The following ANXA13 variants were observed in gnomAD, a reference collection of about 807,000 sequenced individuals.
The protein encoded by ANXA13 is annexin A13.
Under a neutral mutation model 46.6 loss-of-function variants are expected in ANXA13, and 36 were observed. That is an observed-to-expected ratio of 0.77 (90% CI 0.59 to 1.02). The LOEUF (loss-of-function observed/expected upper bound fraction) is 1.02, where lower values mean the gene tolerates loss of function less well. ANXA13 is among the 50% of genes least tolerant of loss of function. ANXA13 has a pLI of 0.00. For synonymous variants in ANXA13, 163 were observed against 152.9 expected (o/e 1.07, Z -0.49); for missense variants, 417 against 396.5 (o/e 1.05, Z -0.44).
chr8:123,721,590 G>C (rs556475344), intron 1 of ANXA13, among the ~76,000 whole-genome samples: 10 of 152,238 alleles, frequency 6.6e-5, no homozygotes, highest in African/African-American at 2.4e-4. Flanking sequence ...GCTTTGTGTA[G>C]TGCCTTTAAA....
At chr8:123,708,534 G>A (rs1399483612) in intron 2 of ANXA13, among the ~76,000 whole-genome samples, 1 of 152,162 alleles carries the variant, frequency 6.6e-6, no homozygotes, top group Non-Finnish European at 1.5e-5. Context: ...CTGCTGGGCC[G>A]CGCAGTCCCT....
chr8:123,692,751 C>T (rs1261050931), intron 8 of ANXA13, among the ~76,000 whole-genome samples: 5 of 152,170 alleles, frequency 3.3e-5, no homozygotes, highest in East Asian at 1.9e-4. Flanking sequence ...ATGATGTTCA[C>T]GGTTCCTGTT....
chr8:123,729,577 C>T (rs1171091542), intron 1 of ANXA13, among the ~76,000 whole-genome samples: 1 of 152,154 alleles, frequency 6.6e-6, no homozygotes, highest in East Asian at 1.9e-4. Flanking sequence ...TTCCTTCTTG[C>T]TTGTGACTAT....
chr8:123,710,255 T>C (rs1813630414), intron 2 of ANXA13, among the ~76,000 whole-genome samples: 1 of 152,154 alleles, frequency 6.6e-6, no homozygotes, highest in South Asian at 2.1e-4. Context: ...TTATGCCAAG[T>C]AAAAGAAGCC....
intron 2 of ANXA13, among the ~76,000 whole-genome samples, chr8:123,705,612 G>A (rs1304666278): frequency 6.6e-6 from 1 of 152,214 alleles, no homozygotes; most frequent in African/African-American, 2.4e-5. Context: ...TCTAGGGAGT[G>A]GCCACTACAT....
chr8:123,717,812 G>A (rs1813785161), intron 1 of ANXA13, among the ~76,000 whole-genome samples: 1 of 152,254 alleles, frequency 6.6e-6, no homozygotes, highest in South Asian at 2.1e-4. Context: ...CAGGTTTGGA[G>A]TGCAGATGCA....
chr8:123,724,867 A>T lies in ANXA13; in HGVS notation c.16-12114T>A, dbSNP rs560667480. The stretch of plus-strand genomic sequence containing the variant: ...TACTTATTTTTGTAAATAAAGTTTT[A>T]TTGGAACACAGCCAACCCATTCATT... On this transcript the variant is annotated intron_variant, in intron 1 of 10. Transcript: ENST00000419625. Among the ~76,000 whole-genome samples, 7 of 152,334 alleles carry T rather than the reference A, an allele frequency of 4.6e-5. No individual in the cohort carries two copies. The East Asian group carries it at 1.4e-3, about 29-fold the overall frequency.
intron 6 of ANXA13, 77 bp downstream of exon 6, chr8:123,695,425 C>A: frequency 9.2e-7 from 1 of 1,084,850 alleles, no homozygotes; most frequent in South Asian, 1.3e-5. Context: ...TCTACGTTAC[C>A]CTTTTTCATC....
chr8:123,682,080 G>T (rs932820851), intron 10 of ANXA13, among the ~76,000 whole-genome samples: 1 of 152,170 alleles, frequency 6.6e-6, no homozygotes, highest in African/African-American at 2.4e-5. Flanking sequence ...GTAGTTGGTT[G>T]ACCCCTGGTA....
At chr8:123,699,005 G>T (rs1199940953) in intron 3 of ANXA13, among the ~76,000 whole-genome samples, 1 of 152,218 alleles carries the variant, frequency 6.6e-6, no homozygotes, top group Non-Finnish European at 1.5e-5. Flanking sequence ...ATGCCTTTCA[G>T]TGTGAAAGGG....
chr8:123,682,344 C>T (rs534482841), intron 10 of ANXA13, among the ~76,000 whole-genome samples: 10 of 152,258 alleles, frequency 6.6e-5, no homozygotes, highest in African/African-American at 1.2e-4. Flanking sequence ...GCAAAGGAGA[C>T]GATACTTGTA....
chr8:123,709,849 C>T (rs1813622022), intron 2 of ANXA13, among the ~76,000 whole-genome samples: 1 of 152,188 alleles, frequency 6.6e-6, no homozygotes, highest in Non-Finnish European at 1.5e-5. Flanking sequence ...ATCTCCACCT[C>T]CCAGGTTGAA....
chr8:123,711,449 G>A (rs1529618), intron 2 of ANXA13, among the ~76,000 whole-genome samples: 12,554 of 152,026 alleles, frequency 0.083, 550 homozygotes, highest in African/African-American at 0.11. Context: ...CCTAGACCTA[G>A]ATGCTGTCTC....
chr8:123,731,201 A>C (rs1013778993), intron 1 of ANXA13, among the ~76,000 whole-genome samples: 11 of 152,304 alleles, frequency 7.2e-5, no homozygotes, highest in Non-Finnish European at 1.3e-4. Flanking sequence ...ATCCTGGATT[A>C]TACCAATGAT....
At chr8:123,711,349 G>C (rs1430032428) in intron 2 of ANXA13, among the ~76,000 whole-genome samples, 1 of 152,142 alleles carries the variant, frequency 6.6e-6, no homozygotes, top group African/African-American at 2.4e-5. Flanking sequence ...CCTTCCATCT[G>C]TGCTTTGGAT....
At position 123,684,670 on chromosome 8, in the gene ANXA13, C is replaced by G; in HGVS notation, c.771G>C (p.Ser257=). ...CCTCATCGGTCCCCGCACCCTTCATCGACTTGTACAGACGTTCAGCAAAAT... is the reference window on the plus strand; with the variant it reads ...CCTCATCGGTCCCCGCACCCTTCATGGACTTGTACAGACGTTCAGCAAAAT... ...EDYFAERLYK[S]MKGAGTDEET... is the part of the protein sequence containing the mutation. The change falls in exon 10 of 11, where the codon TCG becomes TCC. Residue 257 remains serine, a synonymous_variant. Coordinates refer to ENST00000419625, the MANE Select transcript of ANXA13 (RefSeq NM_004306.4). 1.2e-6 allele frequency: 2 copies of G among 1,614,172 alleles called. No individual in the cohort carries two copies. Among genetic ancestry groups the G allele is most frequent in the Non-Finnish European group, 1.7e-6 (2 of 1,180,018 alleles).
rs751181283 is a variant in ANXA13, at chr8:123,702,708, G to A, written c.120C>T (p.Ile40=). ...TCTCATCTGATGTCCTGCCCGATAA[G>A]ATTTCAATGATGGCTGCTTCATTGG... ...MGTNEAAIIE[I]LSGRTSDERQ... The change falls in exon 3 of 11, where the codon ATC becomes ATT. Residue 40 remains isoleucine (I), a synonymous_variant. Transcript: ENST00000419625. The A allele has an allele frequency of 4.3e-6, 7 of 1,613,910 alleles. No homozygotes were observed. In the South Asian group the frequency reaches 7.7e-5, roughly 18 times the overall value.
chr8:123,726,766 C>T (rs1036792166), intron 1 of ANXA13, among the ~76,000 whole-genome samples: 2 of 152,186 alleles, frequency 1.3e-5, no homozygotes, highest in Non-Finnish European at 2.9e-5. Context: ...ATATTAATAG[C>T]AGCACAATTT....
At chr8:123,732,290 G>A (rs940878027) in intron 1 of ANXA13, among the ~76,000 whole-genome samples, 2 of 152,280 alleles carry the variant, frequency 1.3e-5, no homozygotes, top group Admixed American at 6.5e-5. Flanking sequence ...ACCAAATGAC[G>A]TAACACATGT....
Sources: allele counts gnomAD v4.1 joint callset (sites outside exome capture counted in the v4.1 genomes callset), GRCh38; gene constraint gnomAD v4.1.1; transcripts MANE v1.5; gene names NCBI Gene and HGNC (gene_info 2026-07-23, HGNC 2026-07-21).